DENND1A: variants seen among roughly 807,000 people sequenced by gnomAD.
DENND1A encodes the protein DENN domain containing 1A.
Under a neutral mutation model 113.7 loss-of-function variants are expected in DENND1A, and 51 were observed. The observed-to-expected ratio is 0.45, with a 90% confidence interval of 0.36 to 0.57. DENND1A has a LOEUF of 0.57. Among genes scored for constraint, DENND1A ranks in the 20% least tolerant of loss-of-function variants. The pLI, the probability that DENND1A is intolerant of heterozygous loss-of-function variation, is 0.00. For missense variants in DENND1A, 1,258 were observed against 1,395.9 expected (o/e 0.90, Z 1.57); for synonymous variants, 565 against 570.8 (o/e 0.99, Z 0.14).
At chr9:123,906,535 G>A (rs1415907918) in intron 1 of DENND1A, among the ~76,000 whole-genome samples, 3 of 56,326 alleles carry the variant, frequency 5.3e-5, no homozygotes, top group African/African-American at 4.9e-4. Context: ...TATCACCACC[G>A]ATCCCACAGA....
chr9:123,738,443 CTGTGTGTGTGTG>C (rs59851560), intron 5 of DENND1A, among the ~76,000 whole-genome samples: 13 of 143,328 alleles, frequency 9.1e-5, no homozygotes, highest in African/African-American at 1.8e-4. Context: ...TCAACAGCTT[CTGTGTGTGTGTG>C]TGTGTGTGTG....
At chr9:123,802,679 T>C (rs1187548148) in intron 2 of DENND1A, among the ~76,000 whole-genome samples, 1 of 151,864 alleles carries the variant, frequency 6.6e-6, no homozygotes. Flanking sequence ...CAGGGGCATA[T>C]ACTCTATCCA....
Position 123,702,858 on chromosome 9 carries a change from C to A in DENND1A, c.303-26069G>T, listed in dbSNP as rs572796081. Among the ~76,000 whole-genome samples, 24 of 151,740 alleles carry A rather than the reference C, an allele frequency of 1.6e-4. No homozygotes were observed. The South Asian group carries it at 5.0e-3, about 32-fold the overall frequency. ...AAGGATGCTAATAAATAACATAAAA[C>A]ATCTGAAAGTAAAAGTAAGTATACA... is the stretch of plus-strand genomic sequence containing the variant. On this transcript the variant is annotated intron_variant, in intron 5 of 23. Coordinates refer to ENST00000394215, the MANE Select transcript of DENND1A (RefSeq NM_001352964.2).
intron 10 of DENND1A, among the ~76,000 whole-genome samples, chr9:123,623,622 A>C (rs917310796): frequency 6.6e-6 from 1 of 152,236 alleles, no homozygotes; most frequent in Non-Finnish European, 1.5e-5. Context: ...TTTCCAGATA[A>C]TTAAAATCTG....
At chr9:123,392,236 G>T (rs1330425509) in intron 21 of DENND1A, among the ~76,000 whole-genome samples, 1 of 152,146 alleles carries the variant, frequency 6.6e-6, no homozygotes, top group African/African-American at 2.4e-5. Context: ...CATCTCGGGA[G>T]TTTTTTTCAT....
At chr9:123,718,339 AAAG>A (rs1206771289) in intron 5 of DENND1A, among the ~76,000 whole-genome samples, 1 of 152,208 alleles carries the variant, frequency 6.6e-6, no homozygotes, top group Non-Finnish European at 1.5e-5. Context: ...CAAGCAACCA[AAAG>A]AAGGTGTGCC....
chr9:123,820,622 CATT>C (rs1196597827), intron 2 of DENND1A, among the ~76,000 whole-genome samples: 4 of 152,186 alleles, frequency 2.6e-5, no homozygotes, highest in African/African-American at 7.2e-5. Context: ...GATAATAAAT[CATT>C]GTTGTGTTAA....
intron 5 of DENND1A, 104 bp from the exon 6 acceptor site, chr9:123,676,893 G>C (rs1018075719): frequency 2.7e-5 from 28 of 1,054,170 alleles, no homozygotes; most frequent in Non-Finnish European, 3.5e-5. Flanking sequence ...TCTACATCCT[G>C]AAGAGTCTTC....
intron 13 of DENND1A, among the ~76,000 whole-genome samples, chr9:123,507,996 G>A (rs2053118987): frequency 1.3e-5 from 2 of 152,066 alleles, no homozygotes; most frequent in Non-Finnish European, 2.9e-5. Flanking sequence ...TCAAGTTCTA[G>A]CATCAAAATC....
chr9:123,801,364 C>T (rs1378405580), intron 2 of DENND1A, among the ~76,000 whole-genome samples: 1 of 152,168 alleles, frequency 6.6e-6, no homozygotes, highest in Non-Finnish European at 1.5e-5. Context: ...TACTTTCTGT[C>T]TCTATGAATT....
intron 3 of DENND1A, among the ~76,000 whole-genome samples, chr9:123,784,007 A>T (rs1831730544): frequency 6.6e-6 from 1 of 152,252 alleles, no homozygotes; most frequent in South Asian, 2.1e-4. Flanking sequence ...CAAGGTGTAT[A>T]AACAGAAGTA....
intron 12 of DENND1A, among the ~76,000 whole-genome samples, chr9:123,558,446 T>C (rs988217719): frequency 1.3e-5 from 2 of 152,136 alleles, no homozygotes; most frequent in Non-Finnish European, 2.9e-5. Context: ...TCGGAAGTGA[T>C]GGTAATGGGC....
chr9:123,707,054 C>T (rs1194715091), intron 5 of DENND1A, among the ~76,000 whole-genome samples: 4 of 152,032 alleles, frequency 2.6e-5, no homozygotes, highest in Non-Finnish European at 5.9e-5. Context: ...TGTTAATAGA[C>T]ATGACATGAC....
chr9:123,498,288 G>A (rs2052130763), intron 13 of DENND1A, among the ~76,000 whole-genome samples: 1 of 152,206 alleles, frequency 6.6e-6, no homozygotes, highest in South Asian at 2.1e-4. Context: ...CATCCCTGTG[G>A]GGAAGGAATT....
chr9:123,823,799 GGTGA>G (rs1282922810), intron 2 of DENND1A, among the ~76,000 whole-genome samples: 3 of 152,128 alleles, frequency 2.0e-5, no homozygotes, highest in Non-Finnish European at 4.4e-5. Flanking sequence ...GAATGGGAAA[GGTGA>G]GTGAGTATGT....
chr9:123,579,987 C>A (rs958529204), intron 12 of DENND1A, among the ~76,000 whole-genome samples: 2 of 152,160 alleles, frequency 1.3e-5, no homozygotes, highest in Non-Finnish European at 2.9e-5. Flanking sequence ...CATTTGTGCA[C>A]GCTGAGACTG....
intron 12 of DENND1A, among the ~76,000 whole-genome samples, chr9:123,572,726 T>C (rs2058426512): frequency 6.6e-6 from 1 of 152,240 alleles, no homozygotes; most frequent in Admixed American, 6.5e-5. Flanking sequence ...AAGAATATTT[T>C]ATCTCATTTT....
At chr9:123,516,554 T>G (rs140289369) in intron 13 of DENND1A, among the ~76,000 whole-genome samples, 1 of 152,002 alleles carries the variant, frequency 6.6e-6, no homozygotes, top group Non-Finnish European at 1.5e-5. Context: ...AAACTCCTAG[T>G]TGTAGTCAAG....
chr9:123,516,884 CAAAAAAAAAAAA>C (rs546001517), intron 13 of DENND1A, among the ~76,000 whole-genome samples: 26 of 93,386 alleles, frequency 2.8e-4, no homozygotes, highest in East Asian at 8.1e-4. Flanking sequence ...GACTCTGTCT[CAAAAAAAAAAAA>C]AAAAAAAAAA....
Sources: gnomAD v4.1 joint callset for allele counts (sites outside exome capture counted in the v4.1 genomes callset) on GRCh38, gnomAD v4.1.1 for gene constraint, MANE v1.5 for transcripts, NCBI Gene and HGNC (gene_info 2026-07-23, HGNC 2026-07-21) for gene names.